Variants in MYO10 observed in about 807,000 individuals in gnomAD.
The protein encoded by MYO10 is unconventional myosin-X.
A neutral mutation model predicts 257.3 loss-of-function variants in MYO10; 133 were observed. The observed-to-expected ratio is 0.52, with a 90% confidence interval of 0.45 to 0.60. MYO10 has a LOEUF of 0.60. Ranked by LOEUF, MYO10 falls within the 20% of genes least tolerant of loss-of-function variation. MYO10 has a pLI of 0.00. For synonymous variants in MYO10, 1,104 were observed against 1,028.6 expected (o/e 1.07, Z -1.40); for missense variants, 2,399 against 2,635.7 (o/e 0.91, Z 1.97).
At chr5:16,759,364 C>T (rs1481534908) in intron 17 of MYO10, among the ~76,000 whole-genome samples, 1 of 152,126 alleles carries the variant, frequency 6.6e-6, no homozygotes, top group Non-Finnish European at 1.5e-5. Flanking sequence ...AATATTAGAG[C>T]TTTCCCTGGT....
chr5:16,696,041 CTG>C (rs377557886), intron 26 of MYO10, among the ~76,000 whole-genome samples: 2 of 152,190 alleles, frequency 1.3e-5, no homozygotes, highest in South Asian at 2.1e-4. Context: ...TGGAGGAAAA[CTG>C]TGCAAAATTA....
chr5:16,855,810 C>T (rs1303852005), intron 2 of MYO10, among the ~76,000 whole-genome samples: 3 of 152,234 alleles, frequency 2.0e-5, no homozygotes, highest in African/African-American at 4.8e-5. Flanking sequence ...ACTGTGAACT[C>T]TGACGTGGCG....
intron 2 of MYO10, among the ~76,000 whole-genome samples, chr5:16,852,924 T>C (rs180794651): frequency 3.2e-4 from 49 of 152,126 alleles, no homozygotes; most frequent in African/African-American, 1.0e-3. Context: ...CACAGAGAAA[T>C]TGAAGAATAA....
chr5:16,718,714 G>C (rs1273585010), intron 19 of MYO10, among the ~76,000 whole-genome samples: 1 of 151,722 alleles, frequency 6.6e-6, no homozygotes, highest in Non-Finnish European at 1.5e-5. Flanking sequence ...TGAGGACGTG[G>C]AGAACCTTTA....
chr5:16,824,737 C>T (rs2560866), intron 2 of MYO10, among the ~76,000 whole-genome samples: 4,889 of 151,914 alleles, frequency 0.032, 248 homozygotes, highest in African/African-American at 0.11. Context: ...CGTGGTGGCA[C>T]GCACCTGTAG....
chr5:16,721,488 T>C (rs1739150497), intron 19 of MYO10, among the ~76,000 whole-genome samples: 1 of 152,196 alleles, frequency 6.6e-6, no homozygotes, highest in African/African-American at 2.4e-5. Context: ...ACACAGTGGT[T>C]GCTACTTGCT....
Position 16,665,183 on chromosome 5 carries a change from A to C in MYO10, c.*1509T>G, listed in dbSNP as rs1454097328. The C allele has an allele frequency of 6.6e-6, 1 of 151,016 alleles. No individual in the cohort carries two copies. Among genetic ancestry groups the C allele is most frequent in the East Asian group, 2.0e-4 (1 of 5,088 alleles). The allele number at this position is 151,016 out of a possible 1,614,324, so 9.4% of individuals were successfully genotyped here. On this transcript the variant is annotated 3_prime_UTR_variant, in exon 41 of 41. Transcript: ENST00000513610. ...ACGCCACTGTACTCCAGCCTGGGTAACAGAGTGAGACTCTGTCTCTAAAGA... is the reference window on the plus strand; with the variant it reads ...ACGCCACTGTACTCCAGCCTGGGTACCAGAGTGAGACTCTGTCTCTAAAGA...
intron 2 of MYO10, among the ~76,000 whole-genome samples, chr5:16,836,155 C>A (rs184591788): frequency 1.3e-5 from 2 of 152,240 alleles, no homozygotes; most frequent in African/African-American, 4.8e-5. Context: ...CTTCTCATCC[C>A]CCTCCCAAAA....
At chr5:16,695,107 G>A (rs1203002791) in intron 26 of MYO10, among the ~76,000 whole-genome samples, 4 of 152,192 alleles carry the variant, frequency 2.6e-5, no homozygotes, top group African/African-American at 9.6e-5. Context: ...GCCGAGGCGG[G>A]TGGATCACTT....
At chr5:16,680,799 G>T (rs1477608946) in intron 32 of MYO10, among the ~76,000 whole-genome samples, 2 of 152,156 alleles carry the variant, frequency 1.3e-5, no homozygotes, top group African/African-American at 4.8e-5. Flanking sequence ...ATGGAAAACA[G>T]CCTGGCCCAC....
chr5:16,910,737 G>A (rs1745636764), intron 1 of MYO10, among the ~76,000 whole-genome samples: 2 of 152,156 alleles, frequency 1.3e-5, no homozygotes, highest in African/African-American at 2.4e-5. Context: ...GGAGCCTGAG[G>A]CACAGCATGG....
chr5:16,822,486 G>A (rs1742850659), intron 2 of MYO10, among the ~76,000 whole-genome samples: 1 of 152,012 alleles, frequency 6.6e-6, no homozygotes, highest in African/African-American at 2.4e-5. Context: ...ACGTAATGAA[G>A]GTCAGGGTGG....
intron 3 of MYO10, among the ~76,000 whole-genome samples, chr5:16,810,553 G>A (rs1159799975): frequency 2.0e-5 from 3 of 152,138 alleles, no homozygotes; most frequent in African/African-American, 7.2e-5. Context: ...CAGCACTTTG[G>A]GAGGTCAAGG....
intron 1 of MYO10, among the ~76,000 whole-genome samples, chr5:16,927,450 G>A (rs1182421474): frequency 2.6e-5 from 4 of 152,006 alleles, no homozygotes; most frequent in Non-Finnish European, 4.4e-5. Context: ...TCATCCTCCC[G>A]AGTAGCTGGG....
At chr5:16,714,216 C>T (rs1344986927) in intron 19 of MYO10, among the ~76,000 whole-genome samples, 1 of 151,916 alleles carries the variant, frequency 6.6e-6, no homozygotes, top group Non-Finnish European at 1.5e-5. Flanking sequence ...GAGAAAAATA[C>T]TGAGGGGGCA....
At chr5:16,847,476 C>T (rs899917944) in intron 2 of MYO10, among the ~76,000 whole-genome samples, 4 of 151,308 alleles carry the variant, frequency 2.6e-5, no homozygotes, top group African/African-American at 9.7e-5. Context: ...CTCACACCTG[C>T]AGTCCCAGCA....
chr5:16,762,115 TAAAAAAAAAAAAAAAAAAAAA>T lies in MYO10; in HGVS notation c.1588-23_1588-3del. Reference sequence around the variant, plus strand: ...GGGCTTCACATAAAAGTGGTTATTCTAAAAAAAAAAAAAAAAAAAAAAAAAAAAATACAATGCCTTATTTCA... The same window carrying T: ...GGGCTTCACATAAAAGTGGTTATTCTAAAAAAAATACAATGCCTTATTTCA... On this transcript the variant is annotated splice_polypyrimidine_tract_variant and splice_region_variant and intron_variant, in intron 15 of 40. Transcript: ENST00000513610. The T allele has an allele frequency of 1.8e-6, 1 of 566,708 alleles. No individual in the cohort carries two copies. Among genetic ancestry groups the T allele is most frequent in the Non-Finnish European group, 2.5e-6 (1 of 400,156 alleles). The allele number at this position is 566,708 out of a possible 1,614,324, so 35.1% of individuals were successfully genotyped here.
chr5:16,755,148 A>T (rs901028240), intron 18 of MYO10, among the ~76,000 whole-genome samples: 3 of 152,220 alleles, frequency 2.0e-5, no homozygotes, highest in Admixed American at 2.0e-4. Context: ...CCTTTGAAAT[A>T]GTAAAATTCT....
chr5:16,704,805 T>G, intron 21 of MYO10, 120 bp from the exon 22 acceptor site: 1 of 722,048 alleles, frequency 1.4e-6, no homozygotes, highest in Admixed American at 2.3e-5. Flanking sequence ...ATCCACCACA[T>G]GGCCATGCTT....
Sources: allele counts gnomAD v4.1 joint callset (sites outside exome capture counted in the v4.1 genomes callset), GRCh38; gene constraint gnomAD v4.1.1; transcripts MANE v1.5; gene names NCBI Gene and HGNC (gene_info 2026-07-23, HGNC 2026-07-21).